CCDC7: variants seen among roughly 807,000 people sequenced by gnomAD.
CCDC7 encodes the protein coiled-coil domain containing 7.
Under a neutral mutation model 196.9 loss-of-function variants are expected in CCDC7, and 183 were observed. The ratio of observed to expected loss-of-function variants is 0.93; its 90% CI spans 0.82 to 1.05. The LOEUF (loss-of-function observed/expected upper bound fraction) is 1.05. Ranked by LOEUF, CCDC7 falls within the 50% of genes least tolerant of loss-of-function variation. The pLI, the probability that CCDC7 is intolerant of heterozygous loss-of-function variation, is 0.00. For synonymous variants in CCDC7, 525 were observed against 484.6 expected (o/e 1.08, Z -1.10); for missense variants, 1,540 against 1,482.2 (o/e 1.04, Z -0.64).
intron 24 of CCDC7, among the ~76,000 whole-genome samples, chr10:32,702,087 T>C (rs1322025541): frequency 6.6e-6 from 1 of 152,138 alleles, no homozygotes; most frequent in Non-Finnish European, 1.5e-5. Context: ...GCTCTTGCTT[T>C]TCTAGTTCTT....
At chr10:32,539,143 C>CT (rs558528553) in intron 11 of CCDC7, among the ~76,000 whole-genome samples, 8 of 150,594 alleles carry the variant, frequency 5.3e-5, no homozygotes, top group Admixed American at 1.3e-4. Flanking sequence ...TGGTCCTGGG[C>CT]TTTTTTTTTG....
intron 5 of CCDC7, among the ~76,000 whole-genome samples, chr10:32,464,950 A>G (rs541639336): frequency 6.6e-5 from 10 of 152,100 alleles, no homozygotes; most frequent in Non-Finnish European, 1.3e-4. Flanking sequence ...GCCTATTTCC[A>G]TGTCCTTTAT....
Position 32,665,969 on chromosome 10 carries a change from G to C in CCDC7, c.2122+1808G>C, listed in dbSNP as rs529794424. On this transcript the variant is annotated intron_variant, in intron 21 of 41. Coordinates refer to ENST00000639629, the Ensembl canonical transcript of CCDC7. ...AATTTTTTGTAGATATTGTAAATGA[G>C]ATTACTTTTTGACTTCTTTTTCAGA... Among the ~76,000 whole-genome samples, 3 of 151,876 alleles carry C rather than the reference G, an allele frequency of 2.0e-5. No individual in the cohort carries two copies. The East Asian group carries it at 5.8e-4, about 29-fold the overall frequency.
chr10:32,445,319 A>C (rs972774775), upstream of CCDC7, among the ~76,000 whole-genome samples: 6 of 152,300 alleles, frequency 3.9e-5, no homozygotes, highest in Middle Eastern at 3.4e-3. Flanking sequence ...ATTTTCAGGA[A>C]TCTCTTGTGA....
chr10:32,512,543 T>G (rs2046381023), intron 9 of CCDC7: 2 of 152,166 alleles, frequency 1.3e-5, no homozygotes. Flanking sequence ...TAATGACAGA[T>G]TCTGAATTCA....
chr10:32,845,205 C>A lies in CCDC7; in HGVS notation c.3353-38C>A, dbSNP rs186596633. 6.2e-6 allele frequency: 8 copies of A among 1,297,480 alleles called. No homozygotes were observed. The South Asian group carries it at 1.1e-4, about 18-fold the overall frequency. The allele number at this position is 1,297,480 out of a possible 1,614,324, so 80.4% of individuals were successfully genotyped here. ...ACATACTCAGATTTGGTAATGTTTA[C>A]CTTTCAAAATATATTGATATCTGTT... is the stretch of plus-strand genomic sequence containing the variant. On this transcript the variant is annotated intron_variant, in intron 33 of 41. Coordinates refer to ENST00000639629, the Ensembl canonical transcript of CCDC7.
chr10:32,568,007 T>TTGG (rs374101024), intron 15 of CCDC7, 116 bp downstream of exon 16: 35 of 531,398 alleles, frequency 6.6e-5, no homozygotes, highest in African/African-American at 4.5e-4. Flanking sequence ...TGTTTTTGGG[T>TTGG]TTTTTTTTTT....
chr10:32,505,429 T>G (rs948402606), intron 9 of CCDC7, among the ~76,000 whole-genome samples: 8 of 152,114 alleles, frequency 5.3e-5, no homozygotes, highest in African/African-American at 1.4e-4. Flanking sequence ...AAGCACATCT[T>G]GCACCACCCT....
chr10:32,809,243 T>G (rs2086535813), intron 30 of CCDC7, among the ~76,000 whole-genome samples: 2 of 151,916 alleles, frequency 1.3e-5, no homozygotes, highest in South Asian at 4.2e-4. Flanking sequence ...AAAAAGAAAT[T>G]AATGAAACGC....
intron 20 of CCDC7, among the ~76,000 whole-genome samples, chr10:32,656,204 G>A (rs2140267294): frequency 6.6e-6 from 1 of 152,228 alleles, no homozygotes; most frequent in Admixed American, 6.5e-5. Flanking sequence ...ATTAAAAACA[G>A]AATTACCATC....
intron 41 of CCDC7, among the ~76,000 whole-genome samples, chr10:32,863,545 A>T (rs2094086852): frequency 6.6e-6 from 1 of 151,862 alleles, no homozygotes; most frequent in Admixed American, 6.6e-5. Context: ...TAGAGACAGG[A>T]TCTTGCTACA....
chr10:32,652,373 A>G (rs1410997700), intron 20 of CCDC7, among the ~76,000 whole-genome samples: 1 of 151,742 alleles, frequency 6.6e-6, no homozygotes, highest in Admixed American at 6.6e-5. Context: ...CAGCCACTCT[A>G]TGTCTTTAAT....
At chr10:32,800,467 C>A (rs1309176400) in intron 29 of CCDC7, among the ~76,000 whole-genome samples, 1 of 152,122 alleles carries the variant, frequency 6.6e-6, no homozygotes, top group African/African-American at 2.4e-5. Context: ...TATGTTGGAT[C>A]TGAGCTAAAA....
intron 29 of CCDC7, 118 bp from the exon 31 acceptor site, chr10:32,804,897 T>C: frequency 1.5e-6 from 1 of 661,582 alleles, no homozygotes; most frequent in Non-Finnish European, 2.6e-6. Context: ...GCTATAACTT[T>C]TATTCATTAA....
chr10:32,861,065 A>T (rs1356534728), intron 41 of CCDC7, among the ~76,000 whole-genome samples: 1 of 146,082 alleles, frequency 6.8e-6, no homozygotes, highest in Non-Finnish European at 1.5e-5. Context: ...AACTACTTTA[A>T]ATTTCATTTG....
intron 32 of CCDC7, among the ~76,000 whole-genome samples, chr10:32,825,206 A>G (rs1222411298): frequency 2.0e-5 from 3 of 152,234 alleles, no homozygotes; most frequent in Admixed American, 1.3e-4. Context: ...ACTCTCATCC[A>G]AAAGTGATTG....
intron 8 of CCDC7, among the ~76,000 whole-genome samples, chr10:32,487,897 TG>T (rs1589099968): frequency 6.6e-6 from 1 of 152,208 alleles, no homozygotes; most frequent in South Asian, 2.1e-4. Context: ...CTGCCCTTTC[TG>T]GGGGGTGCCT....
chr10:32,488,075 C>T (rs772238091), intron 8 of CCDC7, among the ~76,000 whole-genome samples: 2 of 152,214 alleles, frequency 1.3e-5, no homozygotes, highest in Non-Finnish European at 2.9e-5. Flanking sequence ...AATGGCCTGC[C>T]CTCAGAGGTG....
rs35170235 is a variant in CCDC7 at position 32,645,503 on chromosome 10, C to CTTTT, written c.2014+10366_2014+10369dup. Among the ~76,000 whole-genome samples, 434 of 64,614 alleles carry CTTTT rather than the reference C, an allele frequency of 6.7e-3. 1 individual carries two copies. Among genetic ancestry groups the CTTTT allele is most frequent in the Middle Eastern group, 0.012 (1 of 86 alleles). 42.4% of individuals were successfully genotyped at this position (64,614 alleles called of 152,430 possible). A position where few individuals can be genotyped will look rare whatever the true frequency, so the allele number is the denominator to read the frequency against. On this transcript the variant is annotated intron_variant, in intron 20 of 41. Transcript: ENST00000639629. ...GTTTTATTTTCTGTTGAGTCCATGT[C>CTTTT]TTTTTTTTTTTTTTTTTTTTTTTTA...
Sources: allele counts gnomAD v4.1 joint callset (sites outside exome capture counted in the v4.1 genomes callset), GRCh38; gene constraint gnomAD v4.1.1; transcripts MANE v1.5; gene names NCBI Gene and HGNC (gene_info 2026-07-23, HGNC 2026-07-21).